KIF17: variants seen among roughly 807,000 people sequenced by gnomAD.
KIF17 encodes kinesin family member 17.
A neutral mutation model predicts 96.8 loss-of-function variants in KIF17; 80 were observed. The ratio of observed to expected loss-of-function variants is 0.83; its 90% CI spans 0.69 to 1.00. The LOEUF is 1.00. Among genes scored for constraint, KIF17 ranks in the 50% least tolerant of loss-of-function variants. The pLI, the probability that KIF17 is intolerant of heterozygous loss-of-function variation, is 0.00. For missense variants in KIF17, 1,280 were observed against 1,372.9 expected (o/e 0.93, Z 1.07); for synonymous variants, 567 against 587.5 (o/e 0.97, Z 0.51).
At position 20,704,433 on chromosome 1, in the gene KIF17, C is replaced by T. The variant is rs764530956; in HGVS notation, c.1123+14G>A. Reference sequence around the variant, plus strand: ...GGACCTGGCCCTCCCGCCACTACCCCAACGTGGTCCCACCTGACAGGCTGC... The same window carrying T: ...GGACCTGGCCCTCCCGCCACTACCCTAACGTGGTCCCACCTGACAGGCTGC... On this transcript the variant is annotated intron_variant, in intron 5 of 14. Transcript: ENST00000400463. The surrounding 1 kb of genome is among the most constrained non-coding windows in gnomAD (Gnocchi z 6.8). The T allele has an allele frequency of 8.1e-6, 13 of 1,610,738 alleles. No homozygotes were observed. In the Admixed American group the frequency reaches 2.0e-4, roughly 25 times the overall value.
rs780249724 is a variant in KIF17 at position 20,686,062 on chromosome 1, T to C, written c.2003A>G (p.Asp668Gly). ...GGTACTCACAGGCCTGGGCGGGAAG[T>C]CATCAGCCGCCTCGGCTTCGGGCCT... The part of the protein sequence containing the change: ...DARPEAEAAD[D>G]FPPRPEVDLA... Residue 668 changes from aspartate to glycine, a missense_variant, in exon 9 of 15, where the codon GAC (aspartate) becomes GGC (glycine). Physicochemically the swap from Asp to Gly is moderately conservative, Grantham distance 94. Transcript: ENST00000400463. The C allele has an allele frequency of 4.6e-5, 72 of 1,557,992 alleles. No homozygotes were observed. The highest frequency in any genetic ancestry group is 1.5e-4 in the Admixed American group (8 of 51,742).
chr1:20,661,800 G>C (rs2053440889), downstream of KIF17, among the ~76,000 whole-genome samples: 1 of 152,242 alleles, frequency 6.6e-6, no homozygotes, highest in African/African-American at 2.4e-5. Context: ...ACTGGGCCTG[G>C]GAAGGCTCGG....
chr1:20,703,530 A>G (rs139826246), intron 5 of KIF17, among the ~76,000 whole-genome samples: 16 of 130,832 alleles, frequency 1.2e-4, no homozygotes, highest in Admixed American at 2.2e-4. Flanking sequence ...ATGGATGGAT[A>G]GATGTATAGG....
intron 3 of KIF17, among the ~76,000 whole-genome samples, chr1:20,711,807 C>T (rs1167590829): frequency 6.6e-6 from 1 of 152,024 alleles, no homozygotes; most frequent in African/African-American, 2.4e-5. Flanking sequence ...CTGTGGAGCC[C>T]CCGGGTTCAA....
chr1:20,690,347 G>T lies in KIF17; in HGVS notation c.1234-12C>A. 9 of 1,323,466 alleles carry T rather than the reference G, an allele frequency of 6.8e-6. No homozygotes were observed. The highest frequency in any genetic ancestry group is 2.3e-5 in the South Asian group (2 of 85,928). The allele number at this position is 1,323,466 out of a possible 1,614,324, so 82.0% of individuals were successfully genotyped here. A position where few individuals can be genotyped will look rare whatever the true frequency, so the allele number is the denominator to read the frequency against. ...CGCTCTTCATACTCCTGGGGGGGTG[G>T]GAGGGACCAGAGGGCAGGCAGCATT... On this transcript the variant is annotated splice_polypyrimidine_tract_variant and intron_variant, in intron 6 of 14. Transcript: ENST00000400463.
At position 20,698,432 on chromosome 1, in the gene KIF17, G is replaced by A. The variant is rs2054180354; in HGVS notation, c.1180C>T (p.Pro394Ser). The A allele has an allele frequency of 1.9e-6, 3 of 1,613,858 alleles. No individual in the cohort carries two copies. The highest frequency in any genetic ancestry group is 1.1e-5 in the South Asian group (1 of 91,078). ...ACGTCATGCTGGATCACAGGTTGGG[G>A]CAACAGCTTCTCCTCCACCTGCACA... ...DPVQVEEKLL[P>S]QPVIQHDVEA... Residue 394 changes from proline (P) to serine (S), a missense_variant, in exon 6 of 15, where the codon CCC becomes TCC. By Grantham distance (74) the Pro-to-Ser change is moderately conservative. Transcript: ENST00000400463.
chr1:20,703,213 G>T (rs1358572215), intron 5 of KIF17, among the ~76,000 whole-genome samples: 1 of 151,734 alleles, frequency 6.6e-6, no homozygotes, highest in Non-Finnish European at 1.5e-5. Flanking sequence ...TGGAAGGATG[G>T]AAGGAAAAAA....
chr1:20,692,341 C>CTT (rs542078632), intron 6 of KIF17, among the ~76,000 whole-genome samples: 28,025 of 147,690 alleles, frequency 0.19, 2,691 homozygotes, highest in Non-Finnish European at 0.22. Flanking sequence ...TCCTCTATTG[C>CTT]TTTTTTTTTT....
At chr1:20,674,348 C>T (rs1349174450) in intron 11 of KIF17, among the ~76,000 whole-genome samples, 1 of 152,204 alleles carries the variant, frequency 6.6e-6, no homozygotes, top group African/African-American at 2.4e-5. Context: ...GTAGCCTCGA[C>T]CTCCCAGTCC....
intron 5 of KIF17, among the ~76,000 whole-genome samples, chr1:20,701,066 G>A (rs2054225346): frequency 6.6e-6 from 1 of 152,142 alleles, no homozygotes; most frequent in Non-Finnish European, 1.5e-5. Context: ...GGGTTTCCAG[G>A]AGCACTGTGA....
intron 11 of KIF17, among the ~76,000 whole-genome samples, chr1:20,680,887 G>A (rs2053817341): frequency 6.6e-6 from 1 of 152,078 alleles, no homozygotes; most frequent in Admixed American, 6.5e-5. Context: ...ACTTTGGGAG[G>A]CTGAGGTGGG....
chr1:20,691,222 G>A (rs911196884), intron 6 of KIF17, among the ~76,000 whole-genome samples: 23 of 151,520 alleles, frequency 1.5e-4, no homozygotes, highest in Admixed American at 9.9e-4. Flanking sequence ...AACCTGGGAA[G>A]TGGAGGTTGC....
chr1:20,709,636 T>G lies in KIF17; in HGVS notation c.670+3A>C. ...CCCTGCCCCCAACAATGGCCTCGCA[T>G]ACCCACGGCAGACATCTCGATGCTG... On this transcript the variant is annotated splice_donor_region_variant and intron_variant, in intron 4 of 14. Transcript: ENST00000400463. The surrounding 1 kb of genome is among the most constrained non-coding windows in gnomAD (Gnocchi z 4.7). The G allele has an allele frequency of 1.2e-6, 2 of 1,613,902 alleles. No homozygotes were observed. The highest frequency in any genetic ancestry group is 1.7e-6 in the Non-Finnish European group (2 of 1,180,002).
Position 20,664,433 on chromosome 1 carries a change from C to T in KIF17, c.*151G>A, listed in dbSNP as rs977727004. 1 of 1,548,244 alleles carries T rather than the reference C, an allele frequency of 6.5e-7. No individual in the cohort carries two copies. The highest frequency in any genetic ancestry group is 8.7e-7 in the Non-Finnish European group (1 of 1,150,380). Reference sequence around the variant, plus strand: ...GGGCGGAGGTGGGCTCTCTGGGGAACAGGGAAGGGAATGTGTCTTCCCAGG... The same window carrying T: ...GGGCGGAGGTGGGCTCTCTGGGGAATAGGGAAGGGAATGTGTCTTCCCAGG... On this transcript the variant is annotated 3_prime_UTR_variant, in exon 15 of 15. Coordinates refer to ENST00000400463, the MANE Select transcript of KIF17 (RefSeq NM_001122819.3).
At chr1:20,666,853 C>T (rs188265354) in intron 13 of KIF17, among the ~76,000 whole-genome samples, 4 of 152,340 alleles carry the variant, frequency 2.6e-5, no homozygotes, top group African/African-American at 9.6e-5. Flanking sequence ...AATTGTCCTT[C>T]TTCCACTTGA....
chr1:20,664,098 A>C lies in KIF17; in HGVS notation c.*486T>G. 8.8e-6 allele frequency: 2 copies of C among 227,728 alleles called. No homozygotes were observed. Among genetic ancestry groups the C allele is most frequent in the South Asian group, 1.4e-4 (2 of 14,740 alleles). 14.1% of individuals were successfully genotyped at this position (227,728 alleles called of 1,614,324 possible). On this transcript the variant is annotated 3_prime_UTR_variant, in exon 15 of 15. Transcript: ENST00000400463. The stretch of plus-strand genomic sequence containing the variant: ...ACCAGCCAGGGGTGGGCAGTGCAGG[A>C]AGACCTGCTGTGGGACCCCTGTGCC...
intron 6 of KIF17, among the ~76,000 whole-genome samples, chr1:20,691,458 CT>C (rs888704467): frequency 1.4e-3 from 189 of 138,914 alleles, no homozygotes; most frequent in Middle Eastern, 3.8e-3. Context: ...CTCAGTGCTT[CT>C]TTTTTTTTTT....
intron 6 of KIF17, among the ~76,000 whole-genome samples, chr1:20,696,097 G>T (rs967386745): frequency 3.9e-5 from 6 of 152,148 alleles, no homozygotes; most frequent in Non-Finnish European, 5.9e-5. Context: ...ACCTGCCCAA[G>T]GTCACAGAGC....
chr1:20,696,074 G>C (rs1361579771), intron 6 of KIF17, among the ~76,000 whole-genome samples: 1 of 152,156 alleles, frequency 6.6e-6, no homozygotes, highest in Non-Finnish European at 1.5e-5. Flanking sequence ...CAGAGGCTCA[G>C]AGAGCTCAAA....
Sources: allele counts gnomAD v4.1 joint callset (sites outside exome capture counted in the v4.1 genomes callset), GRCh38; gene constraint gnomAD v4.1.1; non-coding constraint Gnocchi (gnomAD v3.1); transcripts MANE v1.5; gene names NCBI Gene and HGNC (gene_info 2026-07-23, HGNC 2026-07-21).